VAV3: variants seen among roughly 807,000 people sequenced by gnomAD.
The protein encoded by VAV3 is vav guanine nucleotide exchange factor 3, also known as guanine nucleotide exchange factor VAV3.
Under a neutral mutation model 131.2 loss-of-function variants are expected in VAV3, and 94 were observed. That is an observed-to-expected ratio of 0.72 (90% CI 0.61 to 0.85). The LOEUF is 0.85. VAV3 is among the 40% of genes least tolerant of loss of function. The pLI is 0.00. For missense variants in VAV3, 939 were observed against 1,002.7 expected (o/e 0.94, Z 0.86); for synonymous variants, 349 against 342.0 (o/e 1.02, Z -0.22).
chr1:107,700,577 T>A (rs1047714366), intron 17 of VAV3, among the ~76,000 whole-genome samples: 1 of 152,230 alleles, frequency 6.6e-6, no homozygotes, highest in African/African-American at 2.4e-5. Flanking sequence ...CCTGCATTAG[T>A]TTGCTGAGGA....
At chr1:107,865,266 C>T (rs933057871) in intron 2 of VAV3, among the ~76,000 whole-genome samples, 3 of 152,048 alleles carry the variant, frequency 2.0e-5, no homozygotes, top group African/African-American at 7.2e-5. Flanking sequence ...GGGGAAGGTC[C>T]CAGTTGAAAC....
intron 17 of VAV3, among the ~76,000 whole-genome samples, chr1:107,694,616 C>A (rs938151215): frequency 6.6e-6 from 1 of 152,082 alleles, no homozygotes; most frequent in Non-Finnish European, 1.5e-5. Flanking sequence ...TCCACTTTTC[C>A]ACAATCTAGT....
rs984930133 is a variant in VAV3, at chr1:107,809,435, T to A, written c.322-29943A>T. Among the ~76,000 whole-genome samples the A allele has an allele frequency of 2.6e-5, 4 of 152,342 alleles. No individual in the cohort carries two copies. In the South Asian group the frequency reaches 8.3e-4, roughly 32 times the overall value. On this transcript the variant is annotated intron_variant, in intron 2 of 26. Coordinates refer to ENST00000370056, the MANE Select transcript of VAV3 (RefSeq NM_006113.5). ...TTGTCCTTGGATAGTACAGTCAGCA[T>A]GGCACAGGCATCATCTGGATTCTGG...
chr1:107,715,043 G>A (rs1039494691), intron 15 of VAV3, among the ~76,000 whole-genome samples: 4 of 152,036 alleles, frequency 2.6e-5, no homozygotes, highest in African/African-American at 9.7e-5. Context: ...CAGATTATCT[G>A]TAATTTAGGT....
At chr1:107,862,367 C>A (rs1455109537) in intron 2 of VAV3, among the ~76,000 whole-genome samples, 1 of 151,318 alleles carries the variant, frequency 6.6e-6, no homozygotes, top group East Asian at 1.9e-4. Flanking sequence ...GCATGGGAAG[C>A]AAACACCAGC....
intron 2 of VAV3, among the ~76,000 whole-genome samples, chr1:107,867,110 C>T (rs1166577919): frequency 6.6e-6 from 1 of 152,134 alleles, no homozygotes; most frequent in Non-Finnish European, 1.5e-5. Context: ...CTCATAAATA[C>T]AATATGCAGT....
intron 25 of VAV3, among the ~76,000 whole-genome samples, chr1:107,590,052 A>C (rs945578577): frequency 1.3e-5 from 2 of 152,204 alleles, no homozygotes; most frequent in Non-Finnish European, 2.9e-5. Context: ...TAATGGGGAC[A>C]GTGGGTGACA....
intron 1 of VAV3, among the ~76,000 whole-genome samples, chr1:107,943,191 T>C (rs1293041558): frequency 6.6e-6 from 1 of 152,206 alleles, no homozygotes; most frequent in African/African-American, 2.4e-5. Context: ...CTTTTTATTT[T>C]TAGTTCATAT....
At chr1:107,883,241 A>G (rs1361214744) in intron 1 of VAV3, among the ~76,000 whole-genome samples, 1 of 152,124 alleles carries the variant, frequency 6.6e-6, no homozygotes, top group East Asian at 1.9e-4. Context: ...AAACACATGC[A>G]CCCTCTTTGC....
intron 1 of VAV3, among the ~76,000 whole-genome samples, chr1:107,907,339 G>A (rs1277948924): frequency 6.6e-6 from 1 of 152,140 alleles, no homozygotes; most frequent in East Asian, 1.9e-4. Flanking sequence ...GAATTCTAAA[G>A]AGCCATTCAA....
chr1:107,949,854 C>T (rs1244247993), intron 1 of VAV3, among the ~76,000 whole-genome samples: 1 of 152,222 alleles, frequency 6.6e-6, no homozygotes, highest in African/African-American at 2.4e-5. Context: ...TGAAAGTTTT[C>T]TGCTAAACCT....
chr1:107,792,147 G>C (rs1666318575), intron 2 of VAV3, among the ~76,000 whole-genome samples: 2 of 152,148 alleles, frequency 1.3e-5, no homozygotes, highest in South Asian at 4.1e-4. Context: ...CTGGGTCTCA[G>C]GCCCTGTGAA....
intron 2 of VAV3, among the ~76,000 whole-genome samples, chr1:107,850,187 G>C (rs1386522836): frequency 6.6e-6 from 1 of 152,142 alleles, no homozygotes; most frequent in East Asian, 1.9e-4. Flanking sequence ...TCTAGAACTA[G>C]AAATACCATT....
intron 1 of VAV3, among the ~76,000 whole-genome samples, chr1:107,895,127 A>T (rs1319660915): frequency 6.6e-6 from 1 of 152,088 alleles, no homozygotes. Context: ...AAGAGGAAAA[A>T]AAAAAGAGCT....
chr1:107,847,641 C>T (rs1281993683), intron 2 of VAV3, among the ~76,000 whole-genome samples: 1 of 152,154 alleles, frequency 6.6e-6, no homozygotes, highest in Non-Finnish European at 1.5e-5. Flanking sequence ...ACTATAAACA[C>T]CTCTACGCAA....
intron 25 of VAV3, among the ~76,000 whole-genome samples, chr1:107,578,202 G>A (rs1235588076): frequency 6.6e-6 from 1 of 152,174 alleles, no homozygotes; most frequent in African/African-American, 2.4e-5. Context: ...ATGCATTAAT[G>A]ACAGACTTTT....
chr1:107,748,514 C>T (rs565279377), intron 15 of VAV3, among the ~76,000 whole-genome samples: 108 of 152,000 alleles, frequency 7.1e-4, no homozygotes, highest in East Asian at 3.9e-4. Context: ...TTCAAATAAG[C>T]GAGTTAAAAC....
chr1:107,617,553 A>T lies in VAV3; in HGVS notation c.1980+14T>A. The T allele has an allele frequency of 6.2e-7, 1 of 1,602,006 alleles. No individual in the cohort carries two copies. The highest frequency in any genetic ancestry group is 8.5e-7 in the Non-Finnish European group (1 of 1,174,232). Reference sequence around the variant, plus strand: ...CAAAATGAAGCAAGAGAAAATTAAGATACTAATACTTACACATGGGCAAGG... The same window carrying T: ...CAAAATGAAGCAAGAGAAAATTAAGTTACTAATACTTACACATGGGCAAGG... On this transcript the variant is annotated intron_variant, in intron 21 of 26. Transcript: ENST00000370056.
intron 1 of VAV3, among the ~76,000 whole-genome samples, chr1:107,899,549 A>G (rs1209916730): frequency 6.6e-6 from 1 of 152,228 alleles, no homozygotes; most frequent in Non-Finnish European, 1.5e-5. Flanking sequence ...GGAAGGTTTA[A>G]GAAACAAGGA....
Sources: gnomAD v4.1 joint callset for allele counts (sites outside exome capture counted in the v4.1 genomes callset) on GRCh38, gnomAD v4.1.1 for gene constraint, MANE v1.5 for transcripts, NCBI Gene and HGNC (gene_info 2026-07-23, HGNC 2026-07-21) for gene names.